Variants in PTPRD observed in about 807,000 individuals in gnomAD.
The protein encoded by PTPRD is protein tyrosine phosphatase receptor type D, also known as receptor-type tyrosine-protein phosphatase delta.
PTPRD carries 34 observed loss-of-function variants against 214.5 expected under a neutral mutation model. That is an observed-to-expected ratio of 0.16 (90% CI 0.12 to 0.21). PTPRD has a LOEUF of 0.21. Ranked by LOEUF, PTPRD falls within the 10% of genes least tolerant of loss-of-function variation. PTPRD has a pLI of 1.00. For synonymous variants in PTPRD, 1,128 were observed against 845.7 expected (o/e 1.33, Z -5.79); for missense variants, 2,545 against 2,398.7 (o/e 1.06, Z -1.27).
At chr9:9,082,522 A>G (rs1027243082) in intron 10 of PTPRD, among the ~76,000 whole-genome samples, 2 of 152,090 alleles carry the variant, frequency 1.3e-5, no homozygotes, top group African/African-American at 2.4e-5. Context: ...CACCACTCCT[A>G]TTCAACCTGG....
chr9:9,483,158 A>G (rs2095488459), intron 8 of PTPRD, among the ~76,000 whole-genome samples: 1 of 152,196 alleles, frequency 6.6e-6, no homozygotes, highest in South Asian at 2.1e-4. Flanking sequence ...TTTGTCTTAG[A>G]AATCATGCAT....
At chr9:8,522,541 A>G (rs992541004) in intron 19 of PTPRD, among the ~76,000 whole-genome samples, 36 of 152,230 alleles carry the variant, frequency 2.4e-4, no homozygotes, top group African/African-American at 8.4e-4. Context: ...TTATGCCCAC[A>G]TTCAAATTGA....
At chr9:10,419,982 A>T (rs78126870) in intron 2 of PTPRD, among the ~76,000 whole-genome samples, 1 of 151,860 alleles carries the variant, frequency 6.6e-6, no homozygotes, top group Non-Finnish European at 1.5e-5. Flanking sequence ...AATCAGATTT[A>T]TAATTTATTG....
intron 14 of PTPRD, among the ~76,000 whole-genome samples, chr9:8,594,288 C>T (rs747676147): frequency 1.3e-5 from 2 of 152,130 alleles, no homozygotes; most frequent in African/African-American, 2.4e-5. Flanking sequence ...AACATAAATC[C>T]TAATTATCTC....
chr9:9,688,355 T>A (rs2097201790), intron 7 of PTPRD, among the ~76,000 whole-genome samples: 1 of 151,892 alleles, frequency 6.6e-6, no homozygotes, highest in Admixed American at 6.6e-5. Context: ...TTTATTTGTT[T>A]GTTTGGTGTT....
chr9:10,255,466 G>A (rs9298653), intron 3 of PTPRD, among the ~76,000 whole-genome samples: 23,910 of 152,080 alleles, frequency 0.16, 1,983 homozygotes, highest in African/African-American at 0.2. Context: ...AAAGATAAAA[G>A]TGATACACCT....
chr9:10,160,627 A>C (rs1028983283), intron 3 of PTPRD, among the ~76,000 whole-genome samples: 1 of 152,076 alleles, frequency 6.6e-6, no homozygotes, highest in African/African-American at 2.4e-5. Context: ...CCATTATACT[A>C]AATAGGAAAA....
intron 39 of PTPRD, among the ~76,000 whole-genome samples, chr9:8,356,831 TGA>T (rs2077099768): frequency 6.6e-6 from 1 of 152,136 alleles, no homozygotes; most frequent in African/African-American, 2.4e-5. Flanking sequence ...AATGATTCAT[TGA>T]GAGCTCTGAT....
At chr9:8,663,462 G>A (rs2097106571) in intron 12 of PTPRD, among the ~76,000 whole-genome samples, 1 of 151,672 alleles carries the variant, frequency 6.6e-6, no homozygotes, top group Non-Finnish European at 1.5e-5. Flanking sequence ...GCATAGCTGT[G>A]ATTGAGGATT....
intron 10 of PTPRD, among the ~76,000 whole-genome samples, chr9:9,068,336 G>T (rs997909859): frequency 7.9e-5 from 12 of 152,082 alleles, no homozygotes; most frequent in African/African-American, 2.7e-4. Flanking sequence ...TGTTAACATA[G>T]GTTTCCCCCT....
At chr9:8,623,923 G>C (rs2154304103) in intron 14 of PTPRD, among the ~76,000 whole-genome samples, 1 of 151,988 alleles carries the variant, frequency 6.6e-6, no homozygotes, top group African/African-American at 2.4e-5. Flanking sequence ...GAAAAAGCAA[G>C]AAAATGTTTC....
rs867502349 is a variant in PTPRD, at chr9:8,948,714, G to A, written c.-104+69983C>T. Among the ~76,000 whole-genome samples the A allele has an allele frequency of 1.4e-4, 20 of 148,114 alleles. 1 individual carries two copies. The South Asian group carries it at 1.7e-3, about 12-fold the overall frequency. ...ATGATATCTTTTAATAATAGGACAC[G>A]TAATTTTTTTATCCGTCACAATTCC... On this transcript the variant is annotated intron_variant, in intron 11 of 45. Transcript: ENST00000381196.
intron 7 of PTPRD, among the ~76,000 whole-genome samples, chr9:9,680,149 T>C (rs529042618): frequency 4.2e-4 from 64 of 152,006 alleles, no homozygotes; most frequent in African/African-American, 1.4e-3. Flanking sequence ...CTTACAGAGA[T>C]ACTTTATTTC....
intron 37 of PTPRD, among the ~76,000 whole-genome samples, chr9:8,379,607 G>A (rs1397552892): frequency 6.6e-6 from 1 of 152,028 alleles, no homozygotes; most frequent in African/African-American, 2.4e-5. Flanking sequence ...CTCTTAAAAT[G>A]TTTTCCTTTG....
At chr9:10,233,438 A>T (rs2099618718) in intron 3 of PTPRD, among the ~76,000 whole-genome samples, 1 of 152,064 alleles carries the variant, frequency 6.6e-6, no homozygotes, top group African/African-American at 2.4e-5. Flanking sequence ...TTCATAAAAA[A>T]TAATTCTCTG....
intron 14 of PTPRD, among the ~76,000 whole-genome samples, chr9:8,584,194 TAAG>T (rs968875631): frequency 2.6e-5 from 4 of 152,028 alleles, no homozygotes; most frequent in Non-Finnish European, 5.9e-5. Flanking sequence ...TAAAAATAAA[TAAG>T]AAGCAAAGTT....
rs145507861 is a variant in PTPRD, at chr9:10,551,209, C to T, written c.-600+61189G>A. Among the ~76,000 whole-genome samples, 223 of 152,200 alleles carry T rather than the reference C, an allele frequency of 1.5e-3. 1 individual carries two copies. The highest frequency in any genetic ancestry group is 5.2e-3 in the African/African-American group (214 of 41,534). On this transcript the variant is annotated intron_variant, in intron 2 of 45. Transcript: ENST00000381196. Reference sequence around the variant, plus strand: ...AAAAAAGTAGCCATGTATCATGTCACACACTTGTAGTCCCAGCTACTTGGA... The same window carrying T: ...AAAAAAGTAGCCATGTATCATGTCATACACTTGTAGTCCCAGCTACTTGGA...
Position 8,484,335 on chromosome 9 carries a change from C to G in PTPRD, c.3197G>C (p.Arg1066Pro), listed in dbSNP as rs749208350. The change falls in exon 30 of 46, where the codon CGA becomes CCA. Residue 1066 changes from arginine (R) to proline (P), a missense_variant. Arg to Pro is a moderately radical substitution (Grantham distance 103). Transcript: ENST00000381196. ...GTTGACAATTAACTTCTGTGTGGCTCGGCCATCCACTTCTTCTACCATTTT... is the reference window on the plus strand; with the variant it reads ...GTTGACAATTAACTTCTGTGTGGCTGGGCCATCCACTTCTTCTACCATTTT... ...DGKMVEEVDG[R>P]ATQKLIVNLK... The G allele has an allele frequency of 1.2e-6, 2 of 1,613,906 alleles. No individual in the cohort carries two copies. The highest frequency in any genetic ancestry group is 1.7e-6 in the Non-Finnish European group (2 of 1,179,972).
At chr9:10,073,487 A>G (rs2098073045) in intron 3 of PTPRD, among the ~76,000 whole-genome samples, 1 of 152,166 alleles carries the variant, frequency 6.6e-6, no homozygotes, top group South Asian at 2.1e-4. Flanking sequence ...AGTAGAATAA[A>G]GAAATAACAT....
Sources: gnomAD v4.1 joint callset for allele counts (sites outside exome capture counted in the v4.1 genomes callset) on GRCh38, gnomAD v4.1.1 for gene constraint, MANE v1.5 for transcripts, NCBI Gene and HGNC (gene_info 2026-07-23, HGNC 2026-07-21) for gene names.